Variants in CHD6 observed in about 807,000 individuals in gnomAD.
The protein encoded by CHD6 is chromodomain helicase DNA binding protein 6.
In CHD6, 50 loss-of-function variants were observed where a neutral mutation model predicts 276.9. The ratio of observed to expected loss-of-function variants is 0.18; its 90% CI spans 0.14 to 0.23. The LOEUF is 0.23. Among genes scored for constraint, CHD6 ranks in the 10% least tolerant of loss-of-function variants. The pLI is 1.00. For synonymous variants in CHD6, 1,173 were observed against 1,229.3 expected (o/e 0.95, Z 0.96); for missense variants, 2,564 against 3,365.8 (o/e 0.76, Z 5.89).
chr20:41,601,555 A>T (rs774974666), intron 1 of CHD6, among the ~76,000 whole-genome samples: 1 of 152,240 alleles, frequency 6.6e-6, no homozygotes, highest in African/African-American at 2.4e-5. Context: ...GGGATCTGCC[A>T]GGAAAGGTAT....
At position 41,455,792 on chromosome 20, in the gene CHD6, C is replaced by T. The variant is rs141220678; in HGVS notation, c.3009+8G>A. The T allele has an allele frequency of 8.6e-4, 1,352 of 1,571,376 alleles. No homozygotes were observed. Among genetic ancestry groups the T allele is most frequent in the Admixed American group, 3.0e-3 (161 of 54,428 alleles). The stretch of plus-strand genomic sequence containing the variant: ...ACCCCCAACAGCTCTGGAGAGAAGG[C>T]CCTGTACCTTGGCAAAAGTGGACCC... On this transcript the variant is annotated splice_region_variant and intron_variant, in intron 19 of 36. Coordinates refer to ENST00000373233, the MANE Select transcript of CHD6 (RefSeq NM_032221.5).
At chr20:41,583,064 C>T (rs749690524) in intron 1 of CHD6, among the ~76,000 whole-genome samples, 1 of 151,962 alleles carries the variant, frequency 6.6e-6, no homozygotes, top group Non-Finnish European at 1.5e-5. Context: ...GGGACTGACG[C>T]AGAAACAGTA....
intron 2 of CHD6, among the ~76,000 whole-genome samples, chr20:41,546,898 C>T (rs2045053688): frequency 6.6e-6 from 1 of 152,142 alleles, no homozygotes; most frequent in South Asian, 2.1e-4. Context: ...AATCTCTAAA[C>T]CCTTTATTCT....
At chr20:41,513,219 G>C (rs1337968193) in intron 4 of CHD6, among the ~76,000 whole-genome samples, 1 of 152,102 alleles carries the variant, frequency 6.6e-6, no homozygotes, top group African/African-American at 2.4e-5. Context: ...AAATTGCCAT[G>C]ATCCACTAAA....
intron 5 of CHD6, 64 bp from the exon 6 acceptor site, chr20:41,499,421 G>A (rs1472884410): frequency 1.5e-6 from 2 of 1,319,424 alleles, no homozygotes; most frequent in Non-Finnish European, 2.1e-6. Context: ...AAACAATTCT[G>A]TAAGAAATAC....
intron 2 of CHD6, among the ~76,000 whole-genome samples, chr20:41,539,570 T>C (rs2044900438): frequency 6.6e-6 from 1 of 152,150 alleles, no homozygotes; most frequent in African/African-American, 2.4e-5. Flanking sequence ...TGGGGCCCCA[T>C]GAGGGCAGTG....
chr20:41,561,777 C>T (rs1009064678), intron 1 of CHD6, among the ~76,000 whole-genome samples: 1 of 152,180 alleles, frequency 6.6e-6, no homozygotes, highest in Non-Finnish European at 1.5e-5. Flanking sequence ...GAGCACTACT[C>T]CATTGTTCTA....
At chr20:41,459,638 T>C (rs2048482948) in intron 17 of CHD6, among the ~76,000 whole-genome samples, 1 of 152,242 alleles carries the variant, frequency 6.6e-6, no homozygotes, top group Admixed American at 6.5e-5. Context: ...CTTTTGCTTC[T>C]TCCTCATTTT....
At chr20:41,556,925 A>C (rs2045245433) in intron 1 of CHD6, among the ~76,000 whole-genome samples, 1 of 152,228 alleles carries the variant, frequency 6.6e-6, no homozygotes, top group Non-Finnish European at 1.5e-5. Context: ...TTTATGTACT[A>C]GGAATAGATG....
At chr20:41,505,017 T>C (rs2043942974) in intron 5 of CHD6, among the ~76,000 whole-genome samples, 1 of 152,196 alleles carries the variant, frequency 6.6e-6, no homozygotes, top group African/African-American at 2.4e-5. Flanking sequence ...AGGACTGAGT[T>C]ACTGTTTTAA....
chr20:41,557,050 T>A (rs924093403), intron 1 of CHD6, among the ~76,000 whole-genome samples: 3 of 152,130 alleles, frequency 2.0e-5, no homozygotes, highest in African/African-American at 7.2e-5. Flanking sequence ...AAAGAACAAA[T>A]CAAAATGTAA....
intron 2 of CHD6, 140 bp downstream of exon 2, chr20:41,551,165 G>A: frequency 1.5e-6 from 1 of 651,536 alleles, no homozygotes; most frequent in Non-Finnish European, 2.7e-6. Context: ...ATTCAGAACA[G>A]AGCTCTCAGT....
chr20:41,460,281 A>G (rs1211553993), intron 17 of CHD6, among the ~76,000 whole-genome samples: 2 of 152,276 alleles, frequency 1.3e-5, no homozygotes, highest in Non-Finnish European at 2.9e-5. Flanking sequence ...TATGCGATAG[A>G]AAAGAAAAAT....
At chr20:41,568,791 A>G (rs1316127535) in intron 1 of CHD6, among the ~76,000 whole-genome samples, 3 of 152,168 alleles carry the variant, frequency 2.0e-5, no homozygotes, top group African/African-American at 7.2e-5. Context: ...CACATCCTAC[A>G]TCAAATTACC....
intron 1 of CHD6, among the ~76,000 whole-genome samples, chr20:41,580,748 ATG>A (rs1364912784): frequency 6.6e-6 from 1 of 152,096 alleles, no homozygotes; most frequent in Non-Finnish European, 1.5e-5. Context: ...ACAATAAATG[ATG>A]TCTTACCTTT....
At chr20:41,411,264 G>A (rs1198049143) in intron 36 of CHD6, among the ~76,000 whole-genome samples, 2 of 152,030 alleles carry the variant, frequency 1.3e-5, no homozygotes, top group Non-Finnish European at 2.9e-5. Context: ...CTCTTTCTGC[G>A]AGAGGAGGAA....
At chr20:41,475,317 T>C (rs1306514378) in intron 16 of CHD6, among the ~76,000 whole-genome samples, 2 of 152,184 alleles carry the variant, frequency 1.3e-5, no homozygotes, top group Non-Finnish European at 2.9e-5. Flanking sequence ...AAGTAACATA[T>C]CTTGCTCAGT....
At chr20:41,509,418 G>A (rs1230422174) in intron 5 of CHD6, among the ~76,000 whole-genome samples, 3 of 152,114 alleles carry the variant, frequency 2.0e-5, no homozygotes, top group Non-Finnish European at 4.4e-5. Flanking sequence ...GCAGGTGTTC[G>A]AAGGACAATG....
intron 25 of CHD6, among the ~76,000 whole-genome samples, chr20:41,442,142 A>G (rs2047921131): frequency 2.0e-5 from 3 of 152,148 alleles, no homozygotes; most frequent in African/African-American, 7.2e-5. Flanking sequence ...TCTGGAGTGG[A>G]CTAAAAGATC....
Sources: allele counts gnomAD v4.1 joint callset (sites outside exome capture counted in the v4.1 genomes callset), GRCh38; gene constraint gnomAD v4.1.1; transcripts MANE v1.5; gene names NCBI Gene and HGNC (gene_info 2026-07-23, HGNC 2026-07-21).